CACNA1C: variants seen among roughly 807,000 people sequenced by gnomAD.
The protein encoded by CACNA1C is calcium voltage-gated channel subunit alpha1 C.
A neutral mutation model predicts 229.0 loss-of-function variants in CACNA1C; 30 were observed. The ratio of observed to expected loss-of-function variants is 0.13; its 90% confidence interval spans 0.10 to 0.18. The LOEUF (loss-of-function observed/expected upper bound fraction) is 0.18. Among genes scored for constraint, CACNA1C ranks in the 10% least tolerant of loss-of-function variants. CACNA1C has a pLI of 1.00. For synonymous variants in CACNA1C, 1,114 were observed against 1,132.5 expected, an observed-to-expected ratio of 0.98 and a Z score of 0.33; for missense variants, 1,658 against 2,845.0, an observed-to-expected ratio of 0.58 and a Z score of 9.49.
intron 3 of CACNA1C, among the ~76,000 whole-genome samples, chr12:2,322,238 T>C (rs1361088458): frequency 2.0e-5 from 3 of 152,170 alleles, no homozygotes; most frequent in Non-Finnish European, 2.9e-5. Context: ...ACAAGGTGAA[T>C]CGGGCTGAAT....
Position 2,653,823 on chromosome 12 carries a change from A to ACTT in CACNA1C, c.4075-10_4075-8dup. ...CTCCAGCCTCATGGGAGTCTCCTGCACTTCCTTCCAGGCCCTGCCCTATGT... is the reference window on the plus strand; with the variant it reads ...CTCCAGCCTCATGGGAGTCTCCTGCACTTCTTCCTTCCAGGCCCTGCCCTATGT... On this transcript the variant is annotated splice_polypyrimidine_tract_variant and intron_variant, in intron 32 of 46. Coordinates refer to ENST00000399655, the MANE Select transcript of CACNA1C (RefSeq NM_000719.7). The surrounding 1 kb of genome is among the most constrained non-coding windows in gnomAD (Gnocchi z 4.7). The ACTT allele has an allele frequency of 6.2e-7, 1 of 1,613,278 alleles. No individual in the cohort carries two copies. The highest frequency in any genetic ancestry group is 1.1e-5 in the South Asian group (1 of 91,038).
At chr12:2,662,306 T>C (rs1256079140) in intron 34 of CACNA1C, among the ~76,000 whole-genome samples, 4 of 150,040 alleles carry the variant, frequency 2.7e-5, no homozygotes, top group African/African-American at 7.3e-5. Flanking sequence ...AGAAACAAAA[T>C]TAAATGCCAA....
intron 3 of CACNA1C, among the ~76,000 whole-genome samples, chr12:2,141,013 A>G (rs1264749064): frequency 6.6e-6 from 1 of 151,038 alleles, no homozygotes; most frequent in Non-Finnish European, 1.5e-5. Flanking sequence ...AGGAGGTGGC[A>G]CTGGGGCTGA....
At chr12:2,505,561 A>G (rs890170536) in intron 8 of CACNA1C, among the ~76,000 whole-genome samples, 1 of 152,174 alleles carries the variant, frequency 6.6e-6, no homozygotes, top group Non-Finnish European at 1.5e-5. Context: ...GCAACTCAGA[A>G]GGCTGAGACA....
intron 7 of CACNA1C, among the ~76,000 whole-genome samples, chr12:2,503,874 G>GC (rs1568085799): frequency 6.6e-6 from 1 of 152,208 alleles, no homozygotes; most frequent in Non-Finnish European, 1.5e-5. Context: ...CCAGCCGGTG[G>GC]CCCGCAGTAC....
chr12:2,534,403 T>C (rs1370240790), intron 9 of CACNA1C, among the ~76,000 whole-genome samples: 1 of 152,200 alleles, frequency 6.6e-6, no homozygotes, highest in East Asian at 1.9e-4. Flanking sequence ...GTGAAGTCCC[T>C]GCTGAGAAAG....
At chr12:2,458,584 C>G (rs549994276) in intron 5 of CACNA1C, among the ~76,000 whole-genome samples, 1 of 152,166 alleles carries the variant, frequency 6.6e-6, no homozygotes, top group Non-Finnish European at 1.5e-5. Context: ...GTAGATTTGG[C>G]CCATGACTCA....
At chr12:2,295,982 A>G (rs550808899) in intron 3 of CACNA1C, among the ~76,000 whole-genome samples, 2 of 152,328 alleles carry the variant, frequency 1.3e-5, no homozygotes, top group African/African-American at 4.8e-5. Flanking sequence ...TGTCTCTCCT[A>G]TGAGAGCAGC....
chr12:2,465,558 G>A (rs1010180697), intron 5 of CACNA1C, among the ~76,000 whole-genome samples: 4 of 152,164 alleles, frequency 2.6e-5, no homozygotes, highest in Non-Finnish European at 5.9e-5. Flanking sequence ...TTACCGAAAA[G>A]GAAGTATGGG....
At chr12:2,355,078 G>GTA (rs1555474819) in intron 3 of CACNA1C, among the ~76,000 whole-genome samples, 1 of 152,106 alleles carries the variant, frequency 6.6e-6, no homozygotes, top group Non-Finnish European at 1.5e-5. Context: ...AACCAACTCT[G>GTA]CCCGCTTCCC....
chr12:2,651,792 G>T lies in CACNA1C; in HGVS notation c.4074+24G>T, dbSNP rs747081807. ...AGGTAGCCGCCCCTCATGTCCTGCG[G>T]CCCGGGGAATCGCAGGGCTGCCGCG... On this transcript the variant is annotated intron_variant, in intron 32 of 46. Transcript: ENST00000399655. The surrounding 1 kb of genome is among the most constrained non-coding windows in gnomAD (Gnocchi z 5.4). 50 of 1,556,120 alleles carry T rather than the reference G, an allele frequency of 3.2e-5. 1 individual carries two copies. In the South Asian group the frequency reaches 5.9e-4, roughly 18 times the overall value.
chr12:2,550,450 A>T, intron 10 of CACNA1C: 1 of 1,079,772 alleles, frequency 9.3e-7, no homozygotes, highest in Non-Finnish European at 1.2e-6. Context: ...CCATTCTGAT[A>T]AATGTGACCT....
At chr12:2,618,510 A>G (rs1174687244) in intron 29 of CACNA1C, among the ~76,000 whole-genome samples, 1 of 152,234 alleles carries the variant, frequency 6.6e-6, no homozygotes, top group Non-Finnish European at 1.5e-5. Flanking sequence ...ACGAGGCCCC[A>G]AACTGCCCCA....
At chr12:2,561,651 C>T (rs1010608616) in intron 11 of CACNA1C, among the ~76,000 whole-genome samples, 1 of 152,214 alleles carries the variant, frequency 6.6e-6, no homozygotes, top group African/African-American at 2.4e-5. Flanking sequence ...ACTTGCCTTG[C>T]AGCTGGACAG....
intron 1 of CACNA1C, among the ~76,000 whole-genome samples, chr12:2,092,522 T>G (rs2071668919): frequency 6.6e-6 from 1 of 152,052 alleles, no homozygotes; most frequent in African/African-American, 2.4e-5. Context: ...AGAAAAGGTG[T>G]TGTTTGTTCT....
chr12:1,989,646 G>A (rs1005031531), intron 1 of CACNA1C, among the ~76,000 whole-genome samples: 7 of 152,174 alleles, frequency 4.6e-5, no homozygotes, highest in African/African-American at 1.7e-4. Context: ...TTGGGAGGTG[G>A]AGGCTGCAAT....
intron 3 of CACNA1C, among the ~76,000 whole-genome samples, chr12:2,229,023 C>T (rs531864634): frequency 6.6e-6 from 1 of 152,272 alleles, no homozygotes; most frequent in South Asian, 2.1e-4. Flanking sequence ...GTAGTGAAGA[C>T]AGCAGATGTA....
chr12:2,005,611 GTT>G (rs34370840), intron 1 of CACNA1C, among the ~76,000 whole-genome samples: 2 of 151,696 alleles, frequency 1.3e-5, no homozygotes, highest in South Asian at 2.1e-4. Flanking sequence ...AGTACTTAAT[GTT>G]TTTTTTTCTG....
intron 7 of CACNA1C, among the ~76,000 whole-genome samples, chr12:2,498,034 C>T (rs1327875366): frequency 2.0e-5 from 3 of 151,224 alleles, no homozygotes; most frequent in South Asian, 4.2e-4. Context: ...ATTGGTGCTG[C>T]TGAAATATCC....
Sources: gnomAD v4.1 joint callset for allele counts (sites outside exome capture counted in the v4.1 genomes callset) on GRCh38, gnomAD v4.1.1 for gene constraint, Gnocchi (gnomAD v3.1) non-coding constraint, MANE v1.5 for transcripts, NCBI Gene and HGNC (gene_info 2026-07-23, HGNC 2026-07-21) for gene names.